The following ZNF768 variants were observed in gnomAD, a reference collection of about 807,000 sequenced individuals.
The protein encoded by ZNF768 is zinc finger protein 768.
A neutral mutation model predicts 39.7 loss-of-function variants in ZNF768; 12 were observed. The observed-to-expected ratio is 0.30, with a 90% CI of 0.19 to 0.49. The LOEUF (loss-of-function observed/expected upper bound fraction) is 0.49. Ranked by LOEUF, ZNF768 falls within the 20% of genes least tolerant of loss-of-function variation. ZNF768 has a pLI of 0.99. For synonymous variants in ZNF768, 360 were observed against 288.4 expected (o/e 1.25, Z -2.52); for missense variants, 613 against 723.2 (o/e 0.85, Z 1.75).
the ZNF768 span, chr16:30,532,277 A>T: frequency 1.6e-6 from 1 of 610,224 alleles, no homozygotes; most frequent in Non-Finnish European, 2.9e-6. Flanking sequence ...GGGGGTTCTC[A>T]CCTCAGCCCT....
upstream of ZNF768, chr16:30,531,227 T>C (rs1462853940): frequency 6.6e-6 from 1 of 152,192 alleles, no homozygotes; most frequent in Non-Finnish European, 1.5e-5. Flanking sequence ...GGTCAGGAGC[T>C]GATGGGATGA....
rs1244478327 is a variant in ZNF768 at position 30,525,356 on chromosome 16, T to C, written c.784A>G (p.Ile262Val). 6.2e-7 allele frequency: 1 copy of C among 1,613,986 alleles called. No individual in the cohort carries two copies. Among genetic ancestry groups the C allele is most frequent in the African/African-American group, 1.3e-5 (1 of 74,928 alleles). The change falls in exon 2 of 2, where the codon ATC (isoleucine) becomes GTC (valine). Residue 262 changes from isoleucine to valine, a missense_variant. Physicochemically the swap from Ile to Val is conservative, Grantham distance 29. Transcript: ENST00000380412. Reference sequence around the variant, plus strand: ...AAGCTCTTCCCGCAGATGCCACAGATGTTAGGCCGAGGGCCCTGCCCACCC... The same window carrying C: ...AAGCTCTTCCCGCAGATGCCACAGACGTTAGGCCGAGGGCCCTGCCCACCC... ...ARGGQGPRPN[I>V]CGICGKSFGR... is the part of the protein sequence containing the mutation.
chr16:30,525,962 G>T lies in ZNF768; in HGVS notation c.178C>A (p.Pro60Thr). The T allele has an allele frequency of 2.0e-6, 3 of 1,509,628 alleles. No individual in the cohort carries two copies. The highest frequency in any genetic ancestry group is 2.7e-6 in the Non-Finnish European group (3 of 1,131,946). 93.5% of individuals were successfully genotyped at this position (1,509,628 alleles called of 1,614,324 possible). The change falls in exon 2 of 2, where the codon CCC (proline) becomes ACC (threonine). Residue 60 changes from proline (P) to threonine (T), a missense_variant. Physicochemically the swap from Pro to Thr is conservative, Grantham distance 38. Around this residue, in one of 4 missense-constraint regions of ZNF768, gnomAD observed 347 missense variants for 326.1 expected, o/e 1.06. Coordinates refer to ENST00000380412, the MANE Select transcript of ZNF768 (RefSeq NM_024671.4). ...EVEEIPFGLE[P>T]QSPGFEPQSP... Reference sequence around the variant, plus strand: ...TGTGGCTCAAACCCAGGGCTCTGGGGTTCAAGCCCAAATGGTATCTCTTCG... The same window carrying T: ...TGTGGCTCAAACCCAGGGCTCTGGGTTTCAAGCCCAAATGGTATCTCTTCG...
upstream of ZNF768, chr16:30,531,762 C>A (rs2051378403): frequency 6.6e-6 from 1 of 152,326 alleles, no homozygotes; most frequent in South Asian, 2.1e-4. Context: ...TGCATTCCAG[C>A]CTGGGTGAGG....
In ZNF768 at chr16:30,524,774, T is replaced by C; in HGVS notation, c.1366A>G (p.Thr456Ala). 2.5e-6 allele frequency: 4 copies of C among 1,605,680 alleles called. No homozygotes were observed. Among genetic ancestry groups the C allele is most frequent in the Non-Finnish European group, 3.4e-6 (4 of 1,177,648 alleles). The change falls in exon 2 of 2, where the codon ACC (threonine) becomes GCC (alanine). Residue 456 changes from threonine (T) to alanine (A), a missense_variant. Physicochemically the swap from Thr to Ala is moderately conservative, Grantham distance 58 (BLOSUM62 0). Transcript: ENST00000380412. ...IHARTHLPGR[T>A]YSCPDCGKTF... ...TTGCCGCAGTCGGGGCAGCTGTAGG[T>C]GCGGCCTGGCAGGTGGGTGCGGGCG...
chr16:30,526,728 G>A, upstream of ZNF768: 68 of 180,822 alleles, frequency 3.8e-4, no homozygotes, highest in Non-Finnish European at 4.8e-4. Flanking sequence ...CCCCGCTCCC[G>A]CCCGAGCCCC....
Position 30,524,413 on chromosome 16 carries a change from C to A in ZNF768, c.*104G>T. The A allele has an allele frequency of 1.4e-6, 2 of 1,476,096 alleles. No homozygotes were observed. The highest frequency in any genetic ancestry group is 1.8e-6 in the Non-Finnish European group (2 of 1,117,384). The allele number at this position is 1,476,096 out of a possible 1,614,324, so 91.4% of individuals were successfully genotyped here. ...TTCTCTTCTTCCAGCATCCTCAGCT[C>A]CTCCATTCTCCTGCGGCTTCTCCAC... On this transcript the variant is annotated 3_prime_UTR_variant, in exon 2 of 2. Transcript: ENST00000380412.
At position 30,526,025 on chromosome 16, in the gene ZNF768, C is replaced by T; in HGVS notation, c.115G>A (p.Glu39Lys). Residue 39 changes from glutamate to lysine, a missense_variant, in exon 2 of 2, where the codon GAA (glutamate) becomes AAA (lysine). Glu to Lys is a moderately conservative substitution (Grantham distance 56, BLOSUM62 1). This residue lies in a region of ZNF768 where 347 missense variants were observed against 326.1 expected (regional missense o/e 1.06). Transcript: ENST00000380412. ...CCACTGCCTTCTTGCTGAGAAATTT[C>T]CTCTTCCTCATTCTCACTCATGTTG... Reference protein sequence around the residue: ...RGNMSENEEEEISQQEGSGDY... With the variant: ...RGNMSENEEEKISQQEGSGDY... 6.7e-7 allele frequency: 1 copy of T among 1,496,600 alleles called. No individual in the cohort carries two copies. Among genetic ancestry groups the T allele is most frequent in the Non-Finnish European group, 8.9e-7 (1 of 1,126,384 alleles). The allele number at this position is 1,496,600 out of a possible 1,614,324, so 92.7% of individuals were successfully genotyped here.
At position 30,526,420 on chromosome 16, in the gene ZNF768, G is replaced by A. The variant is rs2051324700; in HGVS notation, c.-7C>T. The A allele has an allele frequency of 6.4e-7, 1 of 1,574,760 alleles. No individual in the cohort carries two copies. Among genetic ancestry groups the A allele is most frequent in the Non-Finnish European group, 8.6e-7 (1 of 1,163,366 alleles). ...GCAACGCCTCCCGCTCCATCCCCGC[G>A]GGCTCCCAGTGCAGCGGCGGCGGCG... On this transcript the variant is annotated 5_prime_UTR_variant, in exon 1 of 2. Transcript: ENST00000380412.
Position 30,525,501 on chromosome 16 carries a change from C to T in ZNF768, c.639G>A (p.Gly213=), listed in dbSNP as rs1056488333. 1 of 1,614,164 alleles carries T rather than the reference C, an allele frequency of 6.2e-7. No individual in the cohort carries two copies. The part of the protein sequence containing the change: ...GEQPTGDLPI[G]PPFEMPTGAL... Reference sequence around the variant, plus strand: ...CCCCTGTGGGCATCTCAAAAGGTGGCCCTATGGGCAGGTCCCCTGTGGGCT... The same window carrying T: ...CCCCTGTGGGCATCTCAAAAGGTGGTCCTATGGGCAGGTCCCCTGTGGGCT... The change falls in exon 2 of 2, where the codon GGG becomes GGA. Residue 213 remains glycine, a synonymous_variant. Transcript: ENST00000380412.
upstream of ZNF768, chr16:30,531,432 A>C (rs1456799478): frequency 1.3e-5 from 2 of 152,214 alleles, no homozygotes; most frequent in South Asian, 2.1e-4. Context: ...CCTGGGCCCA[A>C]ATCAATACAG....
chr16:30,524,794 C>G lies in ZNF768; in HGVS notation c.1346G>C (p.Arg449Pro). ...GQSSVLAIHA[R>P]THLPGRTYSC... The stretch of plus-strand genomic sequence containing the variant: ...GTAGGTGCGGCCTGGCAGGTGGGTG[C>G]GGGCGTGGATGGCCAGCACCGAGCT... Residue 449 changes from arginine to proline, a missense_variant, in exon 2 of 2, where the codon CGC (arginine) becomes CCC (proline). By Grantham distance (103) the Arg-to-Pro change is moderately radical (BLOSUM62 -2). Transcript: ENST00000380412. 1 of 1,610,932 alleles carries G rather than the reference C, an allele frequency of 6.2e-7. No homozygotes were observed. Among genetic ancestry groups the G allele is most frequent in the Admixed American group, 1.7e-5 (1 of 59,914 alleles).
At chr16:30,529,036 T>C (rs1467092057), upstream of ZNF768, among the ~76,000 whole-genome samples, 4 of 152,214 alleles carry the variant, frequency 2.6e-5, no homozygotes, top group Non-Finnish European at 5.9e-5. Flanking sequence ...GGCACCCGCA[T>C]TTCCAAGTGC....
rs922005740 is a variant in ZNF768, at chr16:30,525,596, C to T, written c.544G>A (p.Glu182Lys). Residue 182 changes from glutamate (E) to lysine (K), a missense_variant, in exon 2 of 2, where the codon GAA (glutamate) becomes AAA (lysine). Physicochemically the swap from Glu to Lys is moderately conservative, Grantham distance 56. Transcript: ENST00000380412. Reference protein sequence around the residue: ...EGAEMLLNPEEKSPLNISVGV... With the variant: ...EGAEMLLNPEKKSPLNISVGV... The stretch of plus-strand genomic sequence containing the variant: ...ACGGAGATATTCAAAGGACTCTTTT[C>T]CTCGGGGTTCAGAAGCATCTCCGCA... The T allele has an allele frequency of 1.9e-6, 3 of 1,614,250 alleles. No individual in the cohort carries two copies. Among genetic ancestry groups the T allele is most frequent in the Non-Finnish European group, 2.5e-6 (3 of 1,180,034 alleles).
In ZNF768 at chr16:30,526,343, G is replaced by A; in HGVS notation, c.71C>T (p.Pro24Leu). 6.2e-7 allele frequency: 1 copy of A among 1,608,520 alleles called. No individual in the cohort carries two copies. The highest frequency in any genetic ancestry group is 8.5e-7 in the Non-Finnish European group (1 of 1,177,908). The change falls in exon 1 of 2, where the codon CCC (proline) becomes CTC (leucine). Residue 24 changes from proline to leucine, a missense_variant. This residue lies in a region of ZNF768 where 347 missense variants were observed against 326.1 expected (regional missense o/e 1.06). Transcript: ENST00000380412. ...DVQSSDEMRS[P>L]EGYLRGNMSE... ...CTCCTCACCTCTGAGGTACCCTTCGGGGCTCCTCATTTCGTCAGAACTCTG... is the reference window on the plus strand; with the variant it reads ...CTCCTCACCTCTGAGGTACCCTTCGAGGCTCCTCATTTCGTCAGAACTCTG...
At chr16:30,526,840 C>A (rs1469755370), upstream of ZNF768, 8 of 913,144 alleles carry the variant, frequency 8.8e-6, no homozygotes, top group Non-Finnish European at 1.0e-5. Context: ...GCGGCCAGGT[C>A]CCCCCGCCGG....
At position 30,526,007 on chromosome 16, in the gene ZNF768, C is replaced by T; in HGVS notation, c.133G>A (p.Gly45Ser). The stretch of plus-strand genomic sequence containing the variant: ...TCTTCGACTTCATAGTCCCCACTGC[C>T]TTCTTGCTGAGAAATTTCCTCTTCC... The part of the protein sequence containing the change: ...NEEEEISQQE[G>S]SGDYEVEEIP... Residue 45 changes from glycine to serine, a missense_variant, in exon 2 of 2, where the codon GGC becomes AGC. By Grantham distance (56) the Gly-to-Ser change is moderately conservative. This residue lies in a region of ZNF768 where 347 missense variants were observed against 326.1 expected (regional missense o/e 1.06). Transcript: ENST00000380412. The T allele has an allele frequency of 6.7e-7, 1 of 1,498,296 alleles. No homozygotes were observed. Among genetic ancestry groups the T allele is most frequent in the South Asian group, 1.4e-5 (1 of 70,802 alleles). The allele number at this position is 1,498,296 out of a possible 1,614,324, so 92.8% of individuals were successfully genotyped here. A position where few individuals can be genotyped will look rare whatever the true frequency, so the allele number is the denominator to read the frequency against.
Position 30,524,268 on chromosome 16 carries a change from G to A in ZNF768, c.*249C>T, listed in dbSNP as rs954747262. ...GCCAGGCACCCACCAAGGAGCCGCG[G>A]CTGAGGCCAGCCCTCCGCTGACCTC... On this transcript the variant is annotated 3_prime_UTR_variant, in exon 2 of 2. Transcript: ENST00000380412. 1.1e-5 allele frequency: 5 copies of A among 461,628 alleles called. No homozygotes were observed. The highest frequency in any genetic ancestry group is 1.1e-5 in the Non-Finnish European group (3 of 273,444). 28.6% of individuals were successfully genotyped at this position (461,628 alleles called of 1,614,324 possible). A position where few individuals can be genotyped will look rare whatever the true frequency, so the allele number is the denominator to read the frequency against.
In ZNF768 at chr16:30,525,855, G is replaced by A; in HGVS notation, c.285C>T (p.Pro95=). 2 of 1,525,366 alleles carry A rather than the reference G, an allele frequency of 1.3e-6. No homozygotes were observed. Among genetic ancestry groups the A allele is most frequent in the Non-Finnish European group, 1.8e-6 (2 of 1,141,168 alleles). The allele number at this position is 1,525,366 out of a possible 1,614,324, so 94.5% of individuals were successfully genotyped here. The change falls in exon 2 of 2, where the codon CCC becomes CCT. Residue 95 remains proline, a synonymous_variant. Coordinates refer to ENST00000380412, the MANE Select transcript of ZNF768 (RefSeq NM_024671.4). ...TTCTGGGTGCAAACTCAGGGCTTGGGGGCACAAGCCCAGGGCTTCGGGACT... is the reference window on the plus strand; with the variant it reads ...TTCTGGGTGCAAACTCAGGGCTTGGAGGCACAAGCCCAGGGCTTCGGGACT... ...GFESRSPGLV[P]PSPEFAPRSP...
Sources: allele counts gnomAD v4.1 joint callset (sites outside exome capture counted in the v4.1 genomes callset), GRCh38; gene constraint gnomAD v4.1.1; regional missense constraint gnomAD v4.1.1; transcripts MANE v1.5; gene names NCBI Gene and HGNC (gene_info 2026-07-23, HGNC 2026-07-21).